The following TESK2 variants were observed in gnomAD, a reference collection of about 807,000 sequenced individuals.
TESK2 encodes the protein testis associated actin remodelling kinase 2.
Under a neutral mutation model 57.1 loss-of-function variants are expected in TESK2, and 39 were observed. The observed-to-expected ratio is 0.68, with a 90% CI of 0.53 to 0.89. TESK2 has a LOEUF of 0.89. Among genes scored for constraint, TESK2 ranks in the 40% least tolerant of loss-of-function variants. TESK2 has a pLI of 0.00. For synonymous variants in TESK2, 249 were observed against 267.9 expected (o/e 0.93, Z 0.69); for missense variants, 646 against 732.1 (o/e 0.88, Z 1.36).
At chr1:45,346,829 C>T in intron 8 of TESK2, 50 bp from the exon 9 acceptor site, 3 of 1,568,208 alleles carry the variant, frequency 1.9e-6, no homozygotes, top group African/African-American at 1.3e-5. Context: ...AATCCCCCCA[C>T]CCATCCTAGC....
At chr1:45,378,712 A>C (rs145096551) in intron 4 of TESK2, among the ~76,000 whole-genome samples, 73 of 152,348 alleles carry the variant, frequency 4.8e-4, no homozygotes, top group African/African-American at 1.7e-3. Context: ...CTTGTTATGT[A>C]ACAATAGATC....
In TESK2 at chr1:45,348,079, C is replaced by G; in HGVS notation, c.541-79G>C. On this transcript the variant is annotated intron_variant, in intron 5 of 10. Coordinates refer to ENST00000372086, the MANE Select transcript of TESK2 (RefSeq NM_007170.3). ...CCATAGAGTTACCACCCATTCCCCC[C>G]TTCCTATCACAGGGCACCTTGTCCT... 13 of 956,876 alleles carry G rather than the reference C, an allele frequency of 1.4e-5. No individual in the cohort carries two copies. In the South Asian group the frequency reaches 1.7e-4, roughly 13 times the overall value. 59.3% of individuals were successfully genotyped at this position (956,876 alleles called of 1,614,324 possible). A position where few individuals can be genotyped will look rare whatever the true frequency, so the allele number is the denominator to read the frequency against.
intron 1 of TESK2, among the ~76,000 whole-genome samples, chr1:45,487,215 A>G (rs567371365): frequency 2.0e-5 from 3 of 152,282 alleles, no homozygotes; most frequent in South Asian, 2.1e-4. Context: ...TCCCAAACAT[A>G]TATCTGTAAG....
intron 4 of TESK2, among the ~76,000 whole-genome samples, chr1:45,356,950 T>C (rs1419317421): frequency 6.6e-6 from 1 of 151,918 alleles, no homozygotes; most frequent in Non-Finnish European, 1.5e-5. Flanking sequence ...TCCTAGCACT[T>C]TGGGAGGCCG....
intron 3 of TESK2, among the ~76,000 whole-genome samples, chr1:45,392,829 C>G (rs769310767): frequency 6.6e-6 from 1 of 152,208 alleles, no homozygotes; most frequent in Non-Finnish European, 1.5e-5. Flanking sequence ...AGGCATGAGC[C>G]ACTATGCCGG....
chr1:45,386,066 G>A, intron 3 of TESK2, 106 bp from the exon 4 acceptor site: 1 of 729,160 alleles, frequency 1.4e-6, no homozygotes, highest in Non-Finnish European at 2.3e-6. Flanking sequence ...CCTGTGGGGT[G>A]CGGCATGATG....
intron 3 of TESK2, among the ~76,000 whole-genome samples, chr1:45,391,289 C>A (rs1649136465): frequency 1.4e-5 from 2 of 147,916 alleles, no homozygotes; most frequent in Non-Finnish European, 3.0e-5. Context: ...GTGATTATAG[C>A]TCACTGCAAC....
intron 2 of TESK2, among the ~76,000 whole-genome samples, chr1:45,428,838 T>G (rs1650825542): frequency 6.8e-6 from 1 of 146,732 alleles, no homozygotes; most frequent in African/African-American, 2.5e-5. Flanking sequence ...TTTTTTTTTT[T>G]TGAGACGGAG....
At chr1:45,473,717 A>G (rs770629802) in intron 1 of TESK2, among the ~76,000 whole-genome samples, 3 of 152,248 alleles carry the variant, frequency 2.0e-5, no homozygotes, top group Non-Finnish European at 2.9e-5. Flanking sequence ...TGAAGAATTA[A>G]CAGTTAAAAT....
At chr1:45,472,023 G>A (rs28555082) in intron 1 of TESK2, among the ~76,000 whole-genome samples, 37,284 of 151,378 alleles carry the variant, frequency 0.25, 4,671 homozygotes, top group East Asian at 0.35. Context: ...AGGCCGAGGC[G>A]GGTGGATCAT....
chr1:45,454,988 T>A (rs181667300), intron 2 of TESK2, among the ~76,000 whole-genome samples: 27 of 151,930 alleles, frequency 1.8e-4, no homozygotes, highest in Admixed American at 1.6e-3. Flanking sequence ...TGGGTGGGAG[T>A]GAAACTGCCC....
chr1:45,450,947 T>C (rs1011406562), intron 2 of TESK2, among the ~76,000 whole-genome samples: 1 of 152,080 alleles, frequency 6.6e-6, no homozygotes, highest in Non-Finnish European at 1.5e-5. Flanking sequence ...GGGTTACAGG[T>C]GTAAGCCACC....
rs758045154 is a variant in TESK2 at position 45,457,789 on chromosome 1, C to CT, written c.-5dup. 4.3e-6 allele frequency: 7 copies of CT among 1,611,288 alleles called. No individual in the cohort carries two copies. The highest frequency in any genetic ancestry group is 1.7e-5 in the Admixed American group (1 of 59,864). On this transcript the variant is annotated 5_prime_UTR_variant, in exon 2 of 11. Transcript: ENST00000372086. ...AATTCCGTTTGCTCCGATCCATAGTCTAAATAATCACTTTTTTCTTCTTTT... is the reference window on the plus strand; with the variant it reads ...AATTCCGTTTGCTCCGATCCATAGTCTTAAATAATCACTTTTTTCTTCTTTT...
rs1038099365 is a variant in TESK2 at position 45,417,598 on chromosome 1, C to CT, written c.344+4126dup. 4.0e-3 allele frequency among the ~76,000 whole-genome samples: 584 copies of CT among 146,310 alleles called. 6 individuals are homozygous for CT. Among genetic ancestry groups the CT allele is most frequent in the East Asian group, 0.018 (91 of 5,022 alleles). ...CATGGAGATTTTTCTATTATGTTTT[C>CT]TTTTTTTTTTTGAGACAGAGTCTCG... On this transcript the variant is annotated intron_variant, in intron 3 of 10. Transcript: ENST00000372086.
chr1:45,367,952 CCTGGCAAAGCA>C (rs1265914847), intron 4 of TESK2, among the ~76,000 whole-genome samples: 2 of 151,234 alleles, frequency 1.3e-5, no homozygotes, highest in Non-Finnish European at 2.9e-5. Flanking sequence ...AGCCACCATG[CCTGGCAAAGCA>C]CTTTCATAGT....
intron 4 of TESK2, among the ~76,000 whole-genome samples, chr1:45,380,722 C>T (rs1557549868): frequency 6.6e-6 from 1 of 152,190 alleles, no homozygotes; most frequent in Non-Finnish European, 1.5e-5. Flanking sequence ...ATCTAATAAA[C>T]TGCTAAAATT....
intron 1 of TESK2, among the ~76,000 whole-genome samples, chr1:45,478,074 C>T (rs1226859946): frequency 2.0e-5 from 3 of 152,212 alleles, no homozygotes; most frequent in African/African-American, 7.2e-5. Flanking sequence ...CCTCATTTGA[C>T]CCCTACCCAC....
At chr1:45,464,525 A>G (rs1652461843) in intron 1 of TESK2, among the ~76,000 whole-genome samples, 1 of 152,058 alleles carries the variant, frequency 6.6e-6, no homozygotes, top group Non-Finnish European at 1.5e-5. Context: ...GCTGTTGTAA[A>G]TGGGATTACC....
intron 3 of TESK2, among the ~76,000 whole-genome samples, chr1:45,417,646 C>T (rs1026408817): frequency 2.0e-5 from 3 of 151,468 alleles, no homozygotes; most frequent in African/African-American, 7.3e-5. Flanking sequence ...GGCTGGAGTG[C>T]GGTGGCGCGA....
Sources: gnomAD v4.1 joint callset for allele counts (sites outside exome capture counted in the v4.1 genomes callset) on GRCh38, gnomAD v4.1.1 for gene constraint, MANE v1.5 for transcripts, NCBI Gene and HGNC (gene_info 2026-07-23, HGNC 2026-07-21) for gene names.